The following SAMMSON variants were observed in gnomAD, a reference collection of about 807,000 sequenced individuals.
SAMMSON encodes long intergenic non-protein coding RNA 1212.
At chr3:70,268,222 G>A (rs541594493) in intron 6 of SAMMSON, among the ~76,000 whole-genome samples, 1 of 152,288 alleles carries the variant, frequency 6.6e-6, no homozygotes, top group South Asian at 2.1e-4. Flanking sequence ...TGTCATCCCA[G>A]CACTTTGGGG....
chr3:70,184,652 T>G (rs1388034346), intron 4 of SAMMSON, among the ~76,000 whole-genome samples: 1 of 152,196 alleles, frequency 6.6e-6, no homozygotes, highest in Non-Finnish European at 1.5e-5. Context: ...ATTAAAGACA[T>G]ACATGAAGAG....
intron 2 of SAMMSON, among the ~76,000 whole-genome samples, chr3:70,426,362 C>G (rs1701368769): frequency 6.6e-6 from 1 of 152,174 alleles, no homozygotes; most frequent in African/African-American, 2.4e-5. Flanking sequence ...ACCACTATGA[C>G]TGAAGCAGAG....
At chr3:70,350,596 T>C (rs1028045422) in intron 7 of SAMMSON, among the ~76,000 whole-genome samples, 5 of 152,254 alleles carry the variant, frequency 3.3e-5, no homozygotes, top group African/African-American at 9.6e-5. Flanking sequence ...AAACTAATTG[T>C]AAATATAAAA....
intron 7 of SAMMSON, among the ~76,000 whole-genome samples, chr3:70,326,271 G>A (rs1015306379): frequency 6.6e-6 from 1 of 152,026 alleles, no homozygotes; most frequent in Non-Finnish European, 1.5e-5. Context: ...TGATGGGTTT[G>A]ACATTCCAGC....
intron 4 of SAMMSON, among the ~76,000 whole-genome samples, chr3:70,117,304 T>C (rs900920932): frequency 2.0e-5 from 3 of 152,228 alleles, no homozygotes; most frequent in Non-Finnish European, 4.4e-5. Context: ...AGGTTATTGT[T>C]GTCTGAAAGA....
At chr3:70,008,311 T>C (rs2066937516) in intron 1 of SAMMSON, among the ~76,000 whole-genome samples, 1 of 152,166 alleles carries the variant, frequency 6.6e-6, no homozygotes, top group African/African-American at 2.4e-5. Context: ...TTGTATCCTC[T>C]TTTCTTTCAT....
chr3:70,430,724 T>A (rs1701407017), intron 2 of SAMMSON, among the ~76,000 whole-genome samples: 1 of 152,172 alleles, frequency 6.6e-6, no homozygotes. Context: ...TGGGCATAAA[T>A]TGAGACAAGA....
At chr3:70,409,885 T>G (rs2287316) in intron 2 of SAMMSON, among the ~76,000 whole-genome samples, 100,161 of 151,908 alleles carry the variant, frequency 0.66, 33,198 homozygotes, top group South Asian at 0.71. Flanking sequence ...TGGGTATATT[T>G]TATGATACTG....
intron 6 of SAMMSON, among the ~76,000 whole-genome samples, chr3:70,290,640 C>G (rs1337766549): frequency 6.6e-6 from 1 of 152,206 alleles, no homozygotes; most frequent in African/African-American, 2.4e-5. Context: ...TGGGCAATGG[C>G]GGGCGCCCCT....
rs146596075 is a variant in SAMMSON, at chr3:70,050,611, T to C, written n.418-20865T>C. Among the ~76,000 whole-genome samples, 102 of 152,256 alleles carry C rather than the reference T, an allele frequency of 6.7e-4. 1 individual carries two copies. Among genetic ancestry groups the C allele is most frequent in the African/African-American group, 2.3e-3 (97 of 41,562 alleles). ...GAAGTTAAAGGTTAGTTTAAAGGAA[T>C]GACAGACTGCTAATTAGGATTCCCC... On this transcript the variant is annotated intron_variant and non_coding_transcript_variant, in intron 3 of 9. Coordinates refer to ENST00000642114, the Ensembl canonical transcript of SAMMSON.
chr3:70,319,812 T>C (rs1405338708), intron 7 of SAMMSON, among the ~76,000 whole-genome samples: 2 of 152,058 alleles, frequency 1.3e-5, no homozygotes, highest in Non-Finnish European at 2.9e-5. Context: ...TGTGTGACTA[T>C]GGTTTAGATA....
intron 2 of SAMMSON, among the ~76,000 whole-genome samples, chr3:70,402,846 A>T (rs1701151506): frequency 2.0e-5 from 3 of 152,130 alleles, no homozygotes; most frequent in Non-Finnish European, 4.4e-5. Flanking sequence ...TGAGTGAGAG[A>T]GCAAGACTCC....
At chr3:70,104,492 A>G (rs1196135267) in intron 4 of SAMMSON, among the ~76,000 whole-genome samples, 7 of 152,148 alleles carry the variant, frequency 4.6e-5, no homozygotes, top group African/African-American at 1.7e-4. Flanking sequence ...CCTAGGTAAT[A>G]TGTAAAGTTT....
At chr3:70,197,839 A>C (rs1329288895) in intron 4 of SAMMSON, among the ~76,000 whole-genome samples, 10 of 152,208 alleles carry the variant, frequency 6.6e-5, no homozygotes, top group Non-Finnish European at 1.5e-5. Context: ...ACGTCATCAT[A>C]TGCCTAAAAG....
At chr3:70,340,062 T>TAC (rs1702699400) in intron 7 of SAMMSON, among the ~76,000 whole-genome samples, 2 of 152,066 alleles carry the variant, frequency 1.3e-5, no homozygotes, top group South Asian at 4.1e-4. Flanking sequence ...CACCATGGAA[T>TAC]ACTATGCAGC....
At chr3:70,278,805 C>G (rs973432212) in intron 6 of SAMMSON, among the ~76,000 whole-genome samples, 1 of 151,892 alleles carries the variant, frequency 6.6e-6, no homozygotes, top group Non-Finnish European at 1.5e-5. Context: ...GTTTCCTATG[C>G]CTCAGATTCT....
At chr3:70,234,581 A>G (rs552538654) in intron 4 of SAMMSON, among the ~76,000 whole-genome samples, 1 of 151,918 alleles carries the variant, frequency 6.6e-6, no homozygotes, top group East Asian at 1.9e-4. Flanking sequence ...TCGAGGCTGC[A>G]GTGAGCCATG....
At chr3:70,037,607 T>C (rs1013782653) in intron 3 of SAMMSON, among the ~76,000 whole-genome samples, 3 of 152,168 alleles carry the variant, frequency 2.0e-5, no homozygotes, top group African/African-American at 7.2e-5. Context: ...TGTGAGCCAT[T>C]ATCCCTTAGC....
At chr3:70,026,433 C>A (rs1377669288) in intron 3 of SAMMSON, among the ~76,000 whole-genome samples, 1 of 151,968 alleles carries the variant, frequency 6.6e-6, no homozygotes, top group Non-Finnish European at 1.5e-5. Context: ...CTCTATGTTT[C>A]TTTCCCACTG....
Sources: allele counts gnomAD v4.1 joint callset (sites outside exome capture counted in the v4.1 genomes callset), GRCh38; gene constraint gnomAD v4.1.1; transcripts MANE v1.5; gene names NCBI Gene and HGNC (gene_info 2026-07-23, HGNC 2026-07-21).